The following FBXW5 variants were observed in gnomAD, a reference collection of about 807,000 sequenced individuals.
FBXW5 encodes the protein F-box and WD repeat domain containing 5.
In FBXW5, 74 loss-of-function variants were observed where a neutral mutation model predicts 50.9. The ratio of observed to expected loss-of-function variants is 1.45; its 90% CI spans 1.20 to 1.76. The LOEUF is 1.76. FBXW5 is among the 40% of genes most tolerant of loss of function. The pLI is 0.00. For missense variants in FBXW5, 1,073 were observed against 818.8 expected, an observed-to-expected ratio of 1.31 and a Z score of -3.79; for synonymous variants, 523 against 362.2, an observed-to-expected ratio of 1.44 and a Z score of -5.04.
chr9:136,942,350 G>A lies in FBXW5; in HGVS notation c.792C>T (p.Asp264=), dbSNP rs1180616513. 3 of 1,606,996 alleles carry A rather than the reference G, an allele frequency of 1.9e-6. No individual in the cohort carries two copies. The highest frequency in any genetic ancestry group is 1.1e-5 in the South Asian group (1 of 90,362). ...CCGGGTCACCGGCTTCCAGCAGCAGGTCAGGGCTGTCGAAGCGGCTGCAGT... is the reference window on the plus strand; with the variant it reads ...CCGGGTCACCGGCTTCCAGCAGCAGATCAGGGCTGTCGAAGCGGCTGCAGT... ...VADCSRFDSP[D]LLLEAGDPAT... Residue 264 remains aspartate, a synonymous_variant, in exon 6 of 9, where the codon GAC becomes GAT. Coordinates refer to ENST00000325285, the MANE Select transcript of FBXW5 (RefSeq NM_018998.4).
Position 136,942,431 on chromosome 9 carries a change from C to G in FBXW5, c.711G>C (p.Arg237=). 1 of 1,601,942 alleles carries G rather than the reference C, an allele frequency of 6.2e-7. No homozygotes were observed. Among genetic ancestry groups the G allele is most frequent in the South Asian group, 1.1e-5 (1 of 90,778 alleles). The change falls in exon 6 of 9, where the codon CGG becomes CGC. Residue 237 remains arginine, a synonymous_variant. Coordinates refer to ENST00000325285, the MANE Select transcript of FBXW5 (RefSeq NM_018998.4). ...VESENVNVVK[R]LFKIQNLNAS... is the part of the protein sequence containing the mutation. The stretch of plus-strand genomic sequence containing the variant: ...CATTGAGGTTCTGGATCTTGAACAG[C>G]CGCTTCACCACGTTGACGTTCTCTG...
chr9:136,942,670 C>T lies in FBXW5; in HGVS notation c.552G>A (p.Val184=), dbSNP rs762840468. Residue 184 remains valine (V), a synonymous_variant, in exon 5 of 9, where the codon GTG becomes GTA. Coordinates refer to ENST00000325285, the MANE Select transcript of FBXW5 (RefSeq NM_018998.4). The part of the protein sequence containing the change: ...SLDSFALLSR[V]RNKPYDVFGC... Reference sequence around the variant, plus strand: ...CAAACACGTCATAGGGCTTGTTCCGCACGCGGGACAGCAGCGCGAAGGAGT... The same window carrying T: ...CAAACACGTCATAGGGCTTGTTCCGTACGCGGGACAGCAGCGCGAAGGAGT... The T allele has an allele frequency of 1.9e-6, 3 of 1,610,418 alleles. No homozygotes were observed. The highest frequency in any genetic ancestry group is 1.3e-5 in the African/African-American group (1 of 74,908).
chr9:136,943,669 GACCCCTGTA>G (rs1250363740), intron 2 of FBXW5, among the ~76,000 whole-genome samples, 163 bp from the exon 3 acceptor site: 42 of 152,256 alleles, frequency 2.8e-4, no homozygotes, highest in Non-Finnish European at 1.5e-5. Context: ...AGCTCACAGA[GACCCCTGTA>G]CCCCCCACCC....
rs762520909 is a variant in FBXW5 at position 136,942,474 on chromosome 9, C to T, written c.676-8G>A. ...GTTCTCTGACTCCACATCCTGGGGG[C>T]GGGGGCACGTGCCAGGTGGGCGCCG... On this transcript the variant is annotated splice_polypyrimidine_tract_variant and splice_region_variant and intron_variant, in intron 5 of 8. Coordinates refer to ENST00000325285, the MANE Select transcript of FBXW5 (RefSeq NM_018998.4). 60 of 1,598,632 alleles carry T rather than the reference C, an allele frequency of 3.8e-5. No homozygotes were observed. Among genetic ancestry groups the T allele is most frequent in the Non-Finnish European group, 4.7e-5 (55 of 1,169,562 alleles).
intron 3 of FBXW5, 173 bp from the exon 4 acceptor site, chr9:136,943,116 AGCC>A (rs1417743942): frequency 8.9e-7 from 1 of 1,129,834 alleles, no homozygotes; most frequent in African/African-American, 1.5e-5. Flanking sequence ...AGAGCGGAGG[AGCC>A]TGCCCCTGAA....
At chr9:136,941,779 AGCACCACAGAGGTCCGTGG>A in intron 6 of FBXW5, 95 bp from the exon 7 acceptor site, 1 of 1,419,038 alleles carries the variant, frequency 7.0e-7, no homozygotes, top group Non-Finnish European at 9.4e-7. Flanking sequence ...TGGGGCTGTG[AGCACCACAGAGGTCCGTGG>A]GCACTGCCTG....
Position 136,942,193 on chromosome 9 carries a change from G to C in FBXW5, c.949C>G (p.Gln317Glu). 6.3e-7 allele frequency: 1 copy of C among 1,581,724 alleles called. No homozygotes were observed. Residue 317 changes from glutamine (Q) to glutamate (E), a missense_variant, in exon 6 of 9, where the codon CAG becomes GAG. Gln to Glu is a conservative substitution (Grantham distance 29). Coordinates refer to ENST00000325285, the MANE Select transcript of FBXW5 (RefSeq NM_018998.4). ...GTCTCTAGCATGCGCTCCGACAGCT[G>C]TGGCTGCGCCCGCCCCTCCAGCACG... ...DRVLEGRAQP[Q>E]LSERMLETKV...
rs777634382 is a variant in FBXW5 at position 136,944,061 on chromosome 9, AGG to A, written c.21_22del (p.Leu8AlafsTer70). 6.2e-7 allele frequency: 1 copy of A among 1,600,934 alleles called. No homozygotes were observed. The highest frequency in any genetic ancestry group is 8.5e-7 in the Non-Finnish European group (1 of 1,174,526). On this transcript the variant is annotated frameshift_variant, in exon 2 of 9. Transcript: ENST00000325285. LOFTEE classifies it high-confidence loss of function. ...CTGGTAGACCAGGCTGTCGGGGAGC[AGG>A]GGCGTGCCGCCCTCGTCCATCGTGA...
rs142074499 is a variant in FBXW5, at chr9:136,941,644, C to A, written c.1137G>T (p.Gly379=). 3.8e-6 allele frequency: 6 copies of A among 1,571,024 alleles called. No homozygotes were observed. Among genetic ancestry groups the A allele is most frequent in the Non-Finnish European group, 5.2e-6 (6 of 1,158,714 alleles). ...AGCCCCGGCCCTCACCCAGCACGGG[C>A]CCTGCCGTGGTCATCTGGTGTGGCA... ...QILPHQMTTA[G]PVLGEGRGSD... is the part of the protein sequence containing the mutation. Residue 379 remains glycine (G), a synonymous_variant, in exon 7 of 9, where the codon GGG becomes GGT. Coordinates refer to ENST00000325285, the MANE Select transcript of FBXW5 (RefSeq NM_018998.4).
Position 136,942,359 on chromosome 9 carries a change from G to T in FBXW5, c.783C>A (p.Asp261Glu), listed in dbSNP as rs1473221568. 6.2e-7 allele frequency: 1 copy of T among 1,608,268 alleles called. No individual in the cohort carries two copies. The highest frequency in any genetic ancestry group is 1.3e-5 in the African/African-American group (1 of 74,876). ...CGGCTTCCAGCAGCAGGTCAGGGCTGTCGAAGCGGCTGCAGTCGGCCACCA... is the reference window on the plus strand; with the variant it reads ...CGGCTTCCAGCAGCAGGTCAGGGCTTTCGAAGCGGCTGCAGTCGGCCACCA... The part of the protein sequence containing the change: ...TVMVADCSRF[D>E]SPDLLLEAGD... The change falls in exon 6 of 9, where the codon GAC (aspartate) becomes GAA (glutamate). Residue 261 changes from aspartate to glutamate, a missense_variant. Coordinates refer to ENST00000325285, the MANE Select transcript of FBXW5 (RefSeq NM_018998.4).
rs1436334329 is a variant in FBXW5, at chr9:136,943,799, G to A, written c.193+92C>T. On this transcript the variant is annotated intron_variant, in intron 2 of 8. Coordinates refer to ENST00000325285, the MANE Select transcript of FBXW5 (RefSeq NM_018998.4). ...GGGGTGAGCATGGACACGCGGGGCCGCGGGGCGGGCCCCCAGCCAGGCTGA... is the reference window on the plus strand; with the variant it reads ...GGGGTGAGCATGGACACGCGGGGCCACGGGGCGGGCCCCCAGCCAGGCTGA... 2.2e-6 allele frequency: 3 copies of A among 1,366,036 alleles called. No homozygotes were observed. The East Asian group carries it at 7.5e-5, about 34-fold the overall frequency. 84.6% of individuals were successfully genotyped at this position (1,366,036 alleles called of 1,614,324 possible).
rs369659543 is a variant in FBXW5 at position 136,942,032 on chromosome 9, C to T, written c.1096+14G>A. On this transcript the variant is annotated intron_variant, in intron 6 of 8. Transcript: ENST00000325285. ...CCTAGGACCGAGGCGGGCAGCATGG[C>T]GGCAGGGGTGTACCGATCTGGTGTG... 1.6e-5 allele frequency: 26 copies of T among 1,590,364 alleles called. No homozygotes were observed. The highest frequency in any genetic ancestry group is 2.1e-5 in the Non-Finnish European group (25 of 1,163,496).
Position 136,943,977 on chromosome 9 carries a change from C to T in FBXW5, c.107G>A (p.Trp36Ter), listed in dbSNP as rs764178347. 17 of 1,579,510 alleles carry T rather than the reference C, an allele frequency of 1.1e-5. No homozygotes were observed. The highest frequency in any genetic ancestry group is 1.4e-5 in the Non-Finnish European group (16 of 1,164,094). Reference sequence around the variant, plus strand: ...GAACTCGTCCCGCGACACGGCCTGCCATTGGCGGCACACCAGCCCGGCGGC... The same window carrying T: ...GAACTCGTCCCGCGACACGGCCTGCTATTGGCGGCACACCAGCCCGGCGGC... ...VLAAGLVCRQ[W>*]QAVSRDEFLW... is the part of the protein sequence containing the mutation. Residue 36 changes from tryptophan (W) to a stop codon, truncating the protein, a stop_gained, in exon 2 of 9, where the codon TGG becomes TAG. Coordinates refer to ENST00000325285, the MANE Select transcript of FBXW5 (RefSeq NM_018998.4). LOFTEE classifies it high-confidence loss of function.
chr9:136,942,164 C>G lies in FBXW5; in HGVS notation c.978G>C (p.Lys326Asn), dbSNP rs763954729. ...PQLSERMLET[K>N]VAELLAQGHT... ...GGCCCTGGGCCAGCAGCTCGGCCAC[C>G]TTGGTCTCTAGCATGCGCTCCGACA... is the stretch of plus-strand genomic sequence containing the variant. Residue 326 changes from lysine to asparagine, a missense_variant, in exon 6 of 9, where the codon AAG becomes AAC. Transcript: ENST00000325285. The G allele has an allele frequency of 6.2e-7, 1 of 1,603,152 alleles. No homozygotes were observed. The highest frequency in any genetic ancestry group is 1.1e-5 in the South Asian group (1 of 89,596).
At chr9:136,943,805 C>G in intron 2 of FBXW5, 86 bp downstream of exon 2, 1 of 1,394,326 alleles carries the variant, frequency 7.2e-7, no homozygotes, top group South Asian at 1.3e-5. Flanking sequence ...GGCCGCGGGG[C>G]GGGCCCCCAG....
chr9:136,942,491 T>A (rs1469725342), intron 5 of FBXW5, 25 bp from the exon 6 acceptor site: 6 of 1,595,940 alleles, frequency 3.8e-6, no homozygotes, highest in Non-Finnish European at 5.1e-6. Flanking sequence ...ACGTGCCAGG[T>A]GGGCGCCGGG....
chr9:136,941,830 A>G, intron 6 of FBXW5, 146 bp from the exon 7 acceptor site: 1 of 1,438,930 alleles, frequency 6.9e-7, no homozygotes, highest in South Asian at 1.5e-5. Context: ...CCAGACCTGA[A>G]TCAGGCCCGT....
Position 136,941,147 on chromosome 9 carries a change from G to T in FBXW5, c.1482C>A (p.Tyr494Ter). The change falls in exon 9 of 9, where the codon TAC becomes TAA. Residue 494 changes from tyrosine (Y) to a stop codon, truncating the protein, a stop_gained. Transcript: ENST00000325285. LOFTEE classifies it high-confidence loss of function. ...AGATGTTGTAGTGGCGGTCCCAGAT[G>T]TAGCCGTGCCGGTCCTCCGCCCCGC... ...VASGAEDRHGYIWDRHYNICL... is the reference protein window; with the variant it reads ...VASGAEDRHG The T allele has an allele frequency of 6.3e-7, 1 of 1,597,246 alleles. No individual in the cohort carries two copies. Among genetic ancestry groups the T allele is most frequent in the Non-Finnish European group, 8.5e-7 (1 of 1,171,330 alleles).
At chr9:136,943,214 T>C (rs1190624015) in intron 3 of FBXW5, 135 bp downstream of exon 3, 1 of 1,236,484 alleles carries the variant, frequency 8.1e-7, no homozygotes, top group Non-Finnish European at 1.1e-6. Flanking sequence ...CTCCGCTGGA[T>C]GCAGGGAGGC....
Sources: gnomAD v4.1 joint callset for allele counts (sites outside exome capture counted in the v4.1 genomes callset) on GRCh38, gnomAD v4.1.1 for gene constraint, MANE v1.5 for transcripts, NCBI Gene and HGNC (gene_info 2026-07-23, HGNC 2026-07-21) for gene names.